The following RTN1 variants were observed in gnomAD, a reference collection of about 807,000 sequenced individuals.
RTN1 encodes the protein reticulon-1.
A neutral mutation model predicts 65.5 loss-of-function variants in RTN1; 25 were observed. The observed-to-expected ratio is 0.38, with a 90% CI of 0.28 to 0.53. The LOEUF (loss-of-function observed/expected upper bound fraction) is 0.53, where lower values mean the gene tolerates loss of function less well. Ranked by LOEUF, RTN1 falls within the 20% of genes least tolerant of loss-of-function variation. The pLI is 0.79. For missense variants in RTN1, 983 were observed against 1,025.4 expected, an observed-to-expected ratio of 0.96 and a Z score of 0.57; for synonymous variants, 471 against 447.6, an observed-to-expected ratio of 1.05 and a Z score of -0.66.
At chr14:59,653,202 T>C (rs1483308301) in intron 3 of RTN1, among the ~76,000 whole-genome samples, 6 of 152,184 alleles carry the variant, frequency 3.9e-5, no homozygotes, top group African/African-American at 9.7e-5. Flanking sequence ...AGATTATTAA[T>C]ACTAATACCG....
chr14:59,670,553 G>C (rs1883480723), intron 3 of RTN1, among the ~76,000 whole-genome samples: 1 of 152,134 alleles, frequency 6.6e-6, no homozygotes, highest in African/African-American at 2.4e-5. Flanking sequence ...TGGCAACGTG[G>C]ACCTAAATAT....
chr14:59,709,358 C>T (rs1359853119), intron 3 of RTN1, among the ~76,000 whole-genome samples: 2 of 152,008 alleles, frequency 1.3e-5, no homozygotes, highest in Admixed American at 6.6e-5. Context: ...AAAAATGGAG[C>T]TATGAATACT....
In RTN1 at chr14:59,672,932, G is replaced by T. The variant is rs1012386968; in HGVS notation, c.1765+53987C>A. 2.0e-4 allele frequency among the ~76,000 whole-genome samples: 31 copies of T among 152,246 alleles called. 1 individual carries two copies. In the East Asian group the frequency reaches 5.8e-3, roughly 28 times the overall value. On this transcript the variant is annotated intron_variant, in intron 3 of 8. Coordinates refer to ENST00000267484, the MANE Select transcript of RTN1 (RefSeq NM_021136.3). ...TGGGATTACAGGCGTGAGCCACCGC[G>T]CCCGGCCAAGATATTTCTTTTTTGC...
chr14:59,656,098 T>C (rs1042685814), intron 3 of RTN1, among the ~76,000 whole-genome samples: 1 of 152,146 alleles, frequency 6.6e-6, no homozygotes, highest in Non-Finnish European at 1.5e-5. Context: ...CTTGAAAACA[T>C]TATGCTAGGA....
chr14:59,644,577 C>G (rs1414400550), intron 3 of RTN1, among the ~76,000 whole-genome samples: 1 of 152,154 alleles, frequency 6.6e-6, no homozygotes, highest in South Asian at 2.1e-4. Flanking sequence ...GGAGGTTAGA[C>G]CCCCATACAT....
At position 59,640,209 on chromosome 14, in the gene RTN1, T is replaced by A. The variant is rs374306020; in HGVS notation, c.1766-32717A>T. 2.0e-5 allele frequency among the ~76,000 whole-genome samples: 3 copies of A among 152,234 alleles called. No homozygotes were observed. In the East Asian group the frequency reaches 5.8e-4, roughly 29 times the overall value. On this transcript the variant is annotated intron_variant, in intron 3 of 8. Coordinates refer to ENST00000267484, the MANE Select transcript of RTN1 (RefSeq NM_021136.3). ...TTGTAAAACAGTTTGTAATTATAGA[T>A]TTCTTTAATAGATGTTAGGATTATT... is the stretch of plus-strand genomic sequence containing the variant.
intron 1 of RTN1, among the ~76,000 whole-genome samples, chr14:59,807,655 G>C (rs977591011): frequency 6.6e-6 from 1 of 152,150 alleles, no homozygotes; most frequent in African/African-American, 2.4e-5. Context: ...AGTCATAAGA[G>C]GGAAAAGCTT....
At chr14:59,720,853 CAAAG>C (rs904383884) in intron 3 of RTN1, among the ~76,000 whole-genome samples, 9 of 152,080 alleles carry the variant, frequency 5.9e-5, no homozygotes, top group African/African-American at 2.2e-4. Flanking sequence ...TGAAAGCTGA[CAAAG>C]AACAGCAGCT....
rs186971731 is a variant in RTN1, at chr14:59,632,103, C to G, written c.1766-24611G>C. On this transcript the variant is annotated intron_variant, in intron 3 of 8. Coordinates refer to ENST00000267484, the MANE Select transcript of RTN1 (RefSeq NM_021136.3). ...TCTTTGGGATCATGTGTATTCTTTTCAGAATACAAGCTTGTGGAGAAACCA... is the reference window on the plus strand; with the variant it reads ...TCTTTGGGATCATGTGTATTCTTTTGAGAATACAAGCTTGTGGAGAAACCA... Among the ~76,000 whole-genome samples, 22 of 152,232 alleles carry G rather than the reference C, an allele frequency of 1.4e-4. No individual in the cohort carries two copies. The South Asian group carries it at 2.7e-3, about 19-fold the overall frequency.
intron 2 of RTN1, among the ~76,000 whole-genome samples, chr14:59,731,806 C>G (rs1164386381): frequency 6.6e-6 from 1 of 152,168 alleles, no homozygotes; most frequent in Admixed American, 6.5e-5. Flanking sequence ...CTCTCCTGAT[C>G]TCATCTCTTC....
At chr14:59,657,581 A>G (rs370627708) in intron 3 of RTN1, among the ~76,000 whole-genome samples, 27 of 152,306 alleles carry the variant, frequency 1.8e-4, no homozygotes, top group African/African-American at 6.0e-4. Context: ...CAGTGGGTGC[A>G]GCCCATGGAG....
Position 59,761,604 on chromosome 14 carries a change from A to G in RTN1, c.242-15123T>C, listed in dbSNP as rs138245436. Among the ~76,000 whole-genome samples the G allele has an allele frequency of 3.0e-3, 453 of 152,344 alleles. 3 individuals are homozygous for G. The highest frequency in any genetic ancestry group is 1.0e-2 in the African/African-American group (414 of 41,588). Reference sequence around the variant, plus strand: ...ACATCTATCATTCAAAACAGACTGAAGAAGACCCTAGAAAGGGAATTTACC... The same window carrying G: ...ACATCTATCATTCAAAACAGACTGAGGAAGACCCTAGAAAGGGAATTTACC... On this transcript the variant is annotated intron_variant, in intron 1 of 8. Transcript: ENST00000267484.
At chr14:59,772,408 A>G (rs1260100354) in intron 1 of RTN1, among the ~76,000 whole-genome samples, 1 of 151,956 alleles carries the variant, frequency 6.6e-6, no homozygotes, top group Admixed American at 6.6e-5. Flanking sequence ...AACTGCCTTT[A>G]GTGTGCTCAG....
chr14:59,854,639 C>CAAAA (rs552017689), intron 1 of RTN1, among the ~76,000 whole-genome samples: 63 of 71,732 alleles, frequency 8.8e-4, no homozygotes, highest in African/African-American at 1.4e-3. Flanking sequence ...GACTGCGTCT[C>CAAAA]AAAAAAAAAA....
intron 1 of RTN1, among the ~76,000 whole-genome samples, chr14:59,859,648 G>A (rs1476503615): frequency 1.3e-5 from 2 of 152,192 alleles, no homozygotes; most frequent in Non-Finnish European, 2.9e-5. Context: ...GAAGAAGACA[G>A]AAAAATGTGG....
intron 3 of RTN1, among the ~76,000 whole-genome samples, chr14:59,647,263 G>A (rs75087531): frequency 0.018 from 2,729 of 152,194 alleles, 76 homozygotes; most frequent in African/African-American, 0.062. Context: ...CTCCTAATAC[G>A]TATGCACCCA....
chr14:59,797,691 T>C (rs1379848400), intron 1 of RTN1, among the ~76,000 whole-genome samples: 1 of 152,192 alleles, frequency 6.6e-6, no homozygotes, highest in African/African-American at 2.4e-5. Context: ...ATTATTTCTT[T>C]GGTTTAAAGC....
intron 3 of RTN1, among the ~76,000 whole-genome samples, chr14:59,677,437 A>G (rs892986427): frequency 2.0e-5 from 3 of 152,224 alleles, no homozygotes; most frequent in African/African-American, 7.2e-5. Context: ...GGGACACAAG[A>G]AAGTAGGGAC....
At chr14:59,605,695 A>G (rs1410275846) in intron 4 of RTN1, 189 bp from the exon 5 acceptor site, 1 of 532,550 alleles carries the variant, frequency 1.9e-6, no homozygotes. Context: ...CACTGAGAAC[A>G]CAGAAAGCAT....
Sources: allele counts gnomAD v4.1 joint callset (sites outside exome capture counted in the v4.1 genomes callset), GRCh38; gene constraint gnomAD v4.1.1; transcripts MANE v1.5; gene names NCBI Gene and HGNC (gene_info 2026-07-23, HGNC 2026-07-21).